Variants in ALDH1A3 observed in about 807,000 individuals in gnomAD.
ALDH1A3 encodes the protein aldehyde dehydrogenase 1 family member A3.
Under a neutral mutation model 57.5 loss-of-function variants are expected in ALDH1A3, and 28 were observed. That is an observed-to-expected ratio of 0.49 (90% CI 0.36 to 0.67). ALDH1A3 has a LOEUF of 0.67. ALDH1A3 is among the 30% of genes least tolerant of loss of function. The pLI, the probability that ALDH1A3 is intolerant of heterozygous loss-of-function variation, is 0.00. For synonymous variants in ALDH1A3, 281 were observed against 264.8 expected, an observed-to-expected ratio of 1.06 and a Z score of -0.59; for missense variants, 507 against 669.4, an observed-to-expected ratio of 0.76 and a Z score of 2.68.
chr15:100,893,855 C>T lies in ALDH1A3; in HGVS notation c.538-99C>T. ...TTACCCCACATACCCCAAATCCAGA[C>T]CATGAAAAGCAAGTGTCCTCCACAA... On this transcript the variant is annotated intron_variant, in intron 5 of 12. Coordinates refer to ENST00000329841, the MANE Select transcript of ALDH1A3 (RefSeq NM_000693.4). This position sits in a 1 kb window ranked among gnomAD's most constrained non-coding sequence, Gnocchi z 4.8. 1 of 1,505,594 alleles carries T rather than the reference C, an allele frequency of 6.6e-7. No individual in the cohort carries two copies. The highest frequency in any genetic ancestry group is 1.3e-5 in the South Asian group (1 of 75,530). 93.3% of individuals were successfully genotyped at this position (1,505,594 alleles called of 1,614,324 possible). A position where few individuals can be genotyped will look rare whatever the true frequency, so the allele number is the denominator to read the frequency against.
In ALDH1A3 at chr15:100,907,321, C is replaced by A. The variant is rs369421281; in HGVS notation, c.1391+43C>A. ...GTATTTCAGCTCTCCTGAGTTGCTT[C>A]TTGCTAAGTTCATTATTCTTCTATT... On this transcript the variant is annotated intron_variant, in intron 11 of 12. Transcript: ENST00000329841. 359 of 1,588,966 alleles carry A rather than the reference C, an allele frequency of 2.3e-4. 2 individuals are homozygous for A. Among genetic ancestry groups the A allele is most frequent in the Middle Eastern group, 3.3e-4 (2 of 5,980 alleles).
intron 3 of ALDH1A3, among the ~76,000 whole-genome samples, chr15:100,890,850 A>G (rs1378388392): frequency 1.3e-5 from 2 of 152,214 alleles, no homozygotes; most frequent in African/African-American, 4.8e-5. Flanking sequence ...GCCTTTTTGC[A>G]CTATTTGCAA....
intron 3 of ALDH1A3, among the ~76,000 whole-genome samples, chr15:100,890,995 C>A (rs898572320): frequency 5.9e-5 from 9 of 152,214 alleles, no homozygotes; most frequent in East Asian, 1.9e-4. Flanking sequence ...AGAACACACA[C>A]CCCAAGCTAG....
In ALDH1A3 at chr15:100,885,347, A is replaced by G. The variant is rs1257789745; in HGVS notation, c.180A>G (p.Ile60Met). 1 of 1,612,860 alleles carries G rather than the reference A, an allele frequency of 6.2e-7. No homozygotes were observed. The highest frequency in any genetic ancestry group is 1.1e-5 in the South Asian group (1 of 91,066). ...ATCNPSTREQ[I>M]CEVEEGDKPD... is the part of the protein sequence containing the mutation. ...GTAACCCTTCAACTCGGGAGCAAAT[A>G]TGTGAAGTGGAAGAAGGAGATAAGG... Residue 60 changes from isoleucine to methionine, a missense_variant, in exon 2 of 13, where the codon ATA becomes ATG. Physicochemically the swap from Ile to Met is conservative, Grantham distance 10 (BLOSUM62 1). Around this residue, in one of 2 missense-constraint regions of ALDH1A3, gnomAD observed 432 missense variants for 608.4 expected, o/e 0.71. Coordinates refer to ENST00000329841, the MANE Select transcript of ALDH1A3 (RefSeq NM_000693.4).
intron 1 of ALDH1A3, chr15:100,880,843 A>T (rs1444788346): frequency 6.6e-6 from 1 of 152,244 alleles, no homozygotes; most frequent in South Asian, 2.1e-4. Context: ...GCTGGGGCTG[A>T]GGAGGGCCGA....
Position 100,900,571 on chromosome 15 carries a change from C to A in ALDH1A3, c.884-4C>A, listed in dbSNP as rs1414547425. The A allele has an allele frequency of 6.3e-7, 1 of 1,578,138 alleles. No individual in the cohort carries two copies. Among genetic ancestry groups the A allele is most frequent in the Non-Finnish European group, 8.6e-7 (1 of 1,160,754 alleles). ...GCCCGCCTCCCTCGCCCCTCCCCCT[C>A]CAGTGGACTTGGCAGTGGAGTGTGC... On this transcript the variant is annotated splice_region_variant and splice_polypyrimidine_tract_variant and intron_variant, in intron 8 of 12. Coordinates refer to ENST00000329841, the MANE Select transcript of ALDH1A3 (RefSeq NM_000693.4).
intron 8 of ALDH1A3, 50 bp downstream of exon 8, chr15:100,898,235 G>C (rs1350602796): frequency 1.3e-6 from 2 of 1,515,896 alleles, no homozygotes; most frequent in Admixed American, 3.4e-5. Context: ...GCATCCATCT[G>C]TCTCCCCCTA....
Position 100,880,579 on chromosome 15 carries a change from G to A in ALDH1A3, c.99+573G>A, listed in dbSNP as rs764335528. On this transcript the variant is annotated intron_variant, in intron 1 of 12. Transcript: ENST00000329841. ...CGGCTCAGCAGCAGAACGAGGAGGAGTAGGAAGGTGCTCGCTTACTGACGA... is the reference window on the plus strand; with the variant it reads ...CGGCTCAGCAGCAGAACGAGGAGGAATAGGAAGGTGCTCGCTTACTGACGA... The A allele has an allele frequency of 8.8e-4, 171 of 194,040 alleles. 1 individual carries two copies. The highest frequency in any genetic ancestry group is 1.6e-3 in the Admixed American group (26 of 16,498). The allele number at this position is 194,040 out of a possible 1,614,324, so 12.0% of individuals were successfully genotyped here.
At chr15:100,902,671 T>C (rs1567172611) in intron 9 of ALDH1A3, among the ~76,000 whole-genome samples, 1 of 152,254 alleles carries the variant, frequency 6.6e-6, no homozygotes, top group Non-Finnish European at 1.5e-5. Context: ...GGGCCGTATT[T>C]CCCTGTTTCT....
rs1432386596 is a variant in ALDH1A3, at chr15:100,893,815, T to C, written c.538-139T>C. 1 of 1,182,310 alleles carries C rather than the reference T, an allele frequency of 8.5e-7. No homozygotes were observed. The highest frequency in any genetic ancestry group is 2.4e-5 in the East Asian group (1 of 42,014). The allele number at this position is 1,182,310 out of a possible 1,614,324, so 73.2% of individuals were successfully genotyped here. A position where few individuals can be genotyped will look rare whatever the true frequency, so the allele number is the denominator to read the frequency against. ...CTGTGCAGGATTGCAGTTCTGATCA[T>C]TGCACACTCCTATGTTACCCCACAT... On this transcript the variant is annotated intron_variant, in intron 5 of 12. Coordinates refer to ENST00000329841, the MANE Select transcript of ALDH1A3 (RefSeq NM_000693.4). This position sits in a 1 kb window ranked among gnomAD's most constrained non-coding sequence, Gnocchi z 4.8.
chr15:100,886,294 A>C (rs572613534), intron 2 of ALDH1A3, among the ~76,000 whole-genome samples: 89 of 152,330 alleles, frequency 5.8e-4, no homozygotes, highest in African/African-American at 1.9e-3. Context: ...GAAAAATGTG[A>C]GGGCATTGGG....
intron 3 of ALDH1A3, among the ~76,000 whole-genome samples, chr15:100,890,225 T>C (rs1452630960): frequency 6.6e-6 from 1 of 152,212 alleles, no homozygotes; most frequent in Non-Finnish European, 1.5e-5. Context: ...CTTCCCGTCA[T>C]TCTTTAGTAT....
Position 100,914,993 on chromosome 15 carries a change from G to T in ALDH1A3, c.*220G>T. 1 of 552,842 alleles carries T rather than the reference G, an allele frequency of 1.8e-6. No homozygotes were observed. The allele number at this position is 552,842 out of a possible 1,614,324, so 34.2% of individuals were successfully genotyped here. ...GTCTGTGAAATCGCAGTCCTGCCTG[G>T]GGAGGGAGCTGTTGGCCATTTCTGT... On this transcript the variant is annotated 3_prime_UTR_variant, in exon 13 of 13. Transcript: ENST00000329841.
rs1417450647 is a variant in ALDH1A3 at position 100,913,015 on chromosome 15, G to A, written c.1467-1686G>A. Reference sequence around the variant, plus strand: ...CTACTAAAAATACAAAAAATTAGCCGGGCGTGGCAGCGGGCGCCTGTAGTC... The same window carrying A: ...CTACTAAAAATACAAAAAATTAGCCAGGCGTGGCAGCGGGCGCCTGTAGTC... On this transcript the variant is annotated intron_variant, in intron 12 of 12. Transcript: ENST00000329841. Among the ~76,000 whole-genome samples the A allele has an allele frequency of 5.2e-5, 5 of 96,512 alleles. 1 individual carries two copies. The highest frequency in any genetic ancestry group is 8.9e-5 in the Non-Finnish European group (4 of 45,092). 63.3% of individuals were successfully genotyped at this position (96,512 alleles called of 152,430 possible). A position where few individuals can be genotyped will look rare whatever the true frequency, so the allele number is the denominator to read the frequency against.
Position 100,905,531 on chromosome 15 carries a change from A to G in ALDH1A3, c.1077A>G (p.Gln359=). The change falls in exon 10 of 13, where the codon CAA becomes CAG. Residue 359 remains glutamine, a synonymous_variant. Coordinates refer to ENST00000329841, the MANE Select transcript of ALDH1A3 (RefSeq NM_000693.4). Reference sequence around the variant, plus strand: ...TTGTTTGTGTCTTGCAGATTGATCAAAAGCAGTTCGACAAAATCTTAGAGC... The same window carrying G: ...TTGTTTGTGTCTTGCAGATTGATCAGAAGCAGTTCGACAAAATCTTAGAGC... The part of the protein sequence containing the change: ...VKTEQGPQID[Q]KQFDKILELI... 6.2e-7 allele frequency: 1 copy of G among 1,614,236 alleles called. No homozygotes were observed. The highest frequency in any genetic ancestry group is 8.5e-7 in the Non-Finnish European group (1 of 1,180,040).
intron 9 of ALDH1A3, among the ~76,000 whole-genome samples, chr15:100,902,395 T>C (rs974957929): frequency 9.2e-5 from 14 of 152,238 alleles, no homozygotes; most frequent in Non-Finnish European, 5.9e-5. Flanking sequence ...AAAGTGCTTT[T>C]TCATCTACGG....
intron 6 of ALDH1A3, chr15:100,895,711 C>G (rs2041695690): frequency 3.5e-6 from 2 of 569,528 alleles, no homozygotes; most frequent in Non-Finnish European, 6.3e-6. Context: ...AAGTGGGCAT[C>G]TCCCCTTGCC....
At chr15:100,907,641 A>AC (rs2041835494) in intron 11 of ALDH1A3, among the ~76,000 whole-genome samples, 1 of 152,158 alleles carries the variant, frequency 6.6e-6, no homozygotes, top group South Asian at 2.1e-4. Flanking sequence ...TGTGGATACT[A>AC]GTCTCTGCCT....
rs1438640842 is a variant in ALDH1A3 at position 100,916,075 on chromosome 15, A to C, written c.*1302A>C. 1.3e-5 allele frequency: 2 copies of C among 152,246 alleles called. No homozygotes were observed. Among genetic ancestry groups the C allele is most frequent in the Non-Finnish European group, 2.9e-5 (2 of 68,044 alleles). The allele number at this position is 152,246 out of a possible 1,614,324, so 9.4% of individuals were successfully genotyped here. A position where few individuals can be genotyped will look rare whatever the true frequency, so the allele number is the denominator to read the frequency against. ...TGGGAAAGTAGTGCTTAAGTTTGCA[A>C]ATTAAGTTGGGGAGGGCAATAATAA... On this transcript the variant is annotated 3_prime_UTR_variant, in exon 13 of 13. Transcript: ENST00000329841.
Sources: allele counts gnomAD v4.1 joint callset (sites outside exome capture counted in the v4.1 genomes callset), GRCh38; gene constraint gnomAD v4.1.1; regional missense constraint gnomAD v4.1.1; non-coding constraint Gnocchi (gnomAD v3.1); transcripts MANE v1.5; gene names NCBI Gene and HGNC (gene_info 2026-07-23, HGNC 2026-07-21).